C15orf40: variants seen among roughly 807,000 people sequenced by gnomAD.
The protein encoded by C15orf40 is UPF0235 protein C15orf40.
C15orf40 carries 9 observed loss-of-function variants against 13.9 expected under a neutral mutation model. The observed-to-expected ratio is 0.65, with a 90% CI of 0.39 to 1.13. The LOEUF (loss-of-function observed/expected upper bound fraction) is 1.13, where lower values mean the gene tolerates loss of function less well. Among genes scored for constraint, C15orf40 ranks in the 50% most tolerant of loss-of-function variants. The pLI, the probability that C15orf40 is intolerant of heterozygous loss-of-function variation, is 0.01. For synonymous variants in C15orf40, 95 were observed against 69.2 expected, an observed-to-expected ratio of 1.37 and a Z score of -1.85; for missense variants, 225 against 188.5, an observed-to-expected ratio of 1.19 and a Z score of -1.13.
intron 3 of C15orf40, 109 bp from the exon 4 acceptor site, chr15:83,005,801 T>TAG: frequency 7.1e-7 from 1 of 1,415,120 alleles, no homozygotes. Flanking sequence ...TTCTCTTGGT[T>TAG]ACTTCTGGTC....
rs1398737189 is a variant in C15orf40, at chr15:83,002,918, T to A, written c.*2679A>T. The A allele has an allele frequency of 6.6e-6, 1 of 152,266 alleles. No homozygotes were observed. The highest frequency in any genetic ancestry group is 1.5e-5 in the Non-Finnish European group (1 of 68,150). 9.4% of individuals were successfully genotyped at this position (152,266 alleles called of 1,614,324 possible). ...TCCAGGGTCCCGGTTCACAAGCAAT[T>A]CTCCTGCCTCAGCCTCCCGAGTAGC... On this transcript the variant is annotated 3_prime_UTR_variant, in exon 4 of 4. Coordinates refer to ENST00000304177, the MANE Select transcript of C15orf40 (RefSeq NM_144597.3).
intron 3 of C15orf40, among the ~76,000 whole-genome samples, chr15:83,006,715 G>A (rs976922746): frequency 1.1e-4 from 16 of 152,352 alleles, no homozygotes; most frequent in East Asian, 1.9e-4. Context: ...GCAGTGAGCC[G>A]AGATTGCGCC....
chr15:83,008,834 G>T (rs1470584497), intron 2 of C15orf40, among the ~76,000 whole-genome samples, 159 bp from the exon 3 acceptor site: 6 of 152,148 alleles, frequency 3.9e-5, no homozygotes, highest in Non-Finnish European at 8.8e-5. Flanking sequence ...CACATTTAAG[G>T]AACATGAACA....
chr15:82,992,243 C>T (rs1321458978), downstream of C15orf40, among the ~76,000 whole-genome samples: 3 of 151,612 alleles, frequency 2.0e-5, no homozygotes, highest in African/African-American at 4.9e-5. Context: ...AGGCTGGGCA[C>T]GGTGGCTCAC....
Position 83,004,993 on chromosome 15 carries a change from G to GC in C15orf40, c.*603dup, listed in dbSNP as rs766023373. The GC allele has an allele frequency of 5.9e-5, 75 of 1,268,104 alleles. No individual in the cohort carries two copies. Among genetic ancestry groups the GC allele is most frequent in the Non-Finnish European group, 7.5e-5 (72 of 961,162 alleles). 78.6% of individuals were successfully genotyped at this position (1,268,104 alleles called of 1,614,324 possible). A position where few individuals can be genotyped will look rare whatever the true frequency, so the allele number is the denominator to read the frequency against. On this transcript the variant is annotated 3_prime_UTR_variant, in exon 4 of 4. Transcript: ENST00000304177. ...AACTTCTGGATATAGGAAATCAAAG[G>GC]CCCCCCAACAGAATGAAAGGTGTTA...
chr15:83,008,460 A>G (rs562193538), intron 3 of C15orf40, 88 bp downstream of exon 3: 1 of 1,373,900 alleles, frequency 7.3e-7, no homozygotes, highest in Non-Finnish European at 1.0e-6. Flanking sequence ...TGGAGGTTGC[A>G]GTGAGCCAAG....
intron 2 of C15orf40, among the ~76,000 whole-genome samples, chr15:83,009,378 T>C (rs2031873503): frequency 6.6e-6 from 1 of 152,200 alleles, no homozygotes; most frequent in South Asian, 2.1e-4. Context: ...TACTCCAACG[T>C]AGACAGTGTC....
At position 83,005,552 on chromosome 15, in the gene C15orf40, G is replaced by C. The variant is rs764914405; in HGVS notation, c.*45C>G. The C allele has an allele frequency of 4.6e-6, 7 of 1,535,724 alleles. No individual in the cohort carries two copies. The South Asian group carries it at 8.1e-5, about 18-fold the overall frequency. On this transcript the variant is annotated 3_prime_UTR_variant, in exon 4 of 4. Transcript: ENST00000304177. ...GCCCACCACGGCCTCCCAAAGTGCT[G>C]GGATTACAGGCATGAGCCACTGCGC...
rs1041587218 is a variant in C15orf40, at chr15:83,000,417, G to A, written c.*5180C>T. 1 of 152,274 alleles carries A rather than the reference G, an allele frequency of 6.6e-6. No homozygotes were observed. Among genetic ancestry groups the A allele is most frequent in the Admixed American group, 6.5e-5 (1 of 15,276 alleles). 9.4% of individuals were successfully genotyped at this position (152,274 alleles called of 1,614,324 possible). A position where few individuals can be genotyped will look rare whatever the true frequency, so the allele number is the denominator to read the frequency against. On this transcript the variant is annotated 3_prime_UTR_variant, in exon 4 of 4. Coordinates refer to ENST00000304177, the MANE Select transcript of C15orf40 (RefSeq NM_144597.3). ...CTCTCACGAACCCAGCTGGCCCCAA[G>A]TTAACAACACTCCGACCTGAGCTAA...
Position 83,004,428 on chromosome 15 carries a change from TAATA to T in C15orf40, c.*1165_*1168del. 1.1e-6 allele frequency: 1 copy of T among 920,176 alleles called. No individual in the cohort carries two copies. The highest frequency in any genetic ancestry group is 1.3e-6 in the Non-Finnish European group (1 of 770,484). The allele number at this position is 920,176 out of a possible 1,614,324, so 57.0% of individuals were successfully genotyped here. On this transcript the variant is annotated 3_prime_UTR_variant, in exon 4 of 4. Transcript: ENST00000304177. ...CAAAGGAAATTAATTTTATTTTCTT[TAATA>T]AATTACTATAACTTGACCTGAAGAT...
rs1386278705 is a variant in C15orf40 at position 82,999,146 on chromosome 15, C to T, written c.*6451G>A. ...CTTTGGCTTGGCATCAGAGGGAGACCGTGGGGAGAGGGAGAGGGTGAGGGA... is the reference window on the plus strand; with the variant it reads ...CTTTGGCTTGGCATCAGAGGGAGACTGTGGGGAGAGGGAGAGGGTGAGGGA... On this transcript the variant is annotated 3_prime_UTR_variant, in exon 4 of 4. Transcript: ENST00000304177. 3 of 37,482 alleles carry T rather than the reference C, an allele frequency of 8.0e-5. No homozygotes were observed. Among genetic ancestry groups the T allele is most frequent in the East Asian group, 8.7e-4 (1 of 1,146 alleles). 2.3% of individuals were successfully genotyped at this position (37,482 alleles called of 1,614,324 possible).
chr15:82,992,876 C>T (rs1490818609), downstream of C15orf40, among the ~76,000 whole-genome samples: 3 of 152,092 alleles, frequency 2.0e-5, no homozygotes, highest in African/African-American at 4.8e-5. Flanking sequence ...ACAGCAGTTA[C>T]TATCAGACTG....
chr15:82,992,943 T>A (rs1053897296), downstream of C15orf40, among the ~76,000 whole-genome samples: 4 of 152,222 alleles, frequency 2.6e-5, no homozygotes, highest in African/African-American at 9.6e-5. Context: ...CAGTTTCTGC[T>A]TCATAAGACA....
intron 3 of C15orf40, chr15:83,008,277 G>A (rs1301301483): frequency 1.3e-5 from 5 of 371,310 alleles, no homozygotes; most frequent in South Asian, 7.1e-5. Context: ...CCAGCGCTTC[G>A]GGAGGAGAAG....
downstream of C15orf40, among the ~76,000 whole-genome samples, chr15:82,992,314 G>A (rs530625678): frequency 3.4e-4 from 52 of 152,204 alleles, no homozygotes; most frequent in African/African-American, 9.6e-4. Flanking sequence ...TGAGGAGTTC[G>A]AGACCAGCCT....
At chr15:83,005,718 T>C in intron 3 of C15orf40, 26 bp from the exon 4 acceptor site, 1 of 1,606,402 alleles carries the variant, frequency 6.2e-7, no homozygotes, top group Non-Finnish European at 8.5e-7. Context: ...AAAAGCATAC[T>C]TTACTGTTTA....
At position 82,995,164 on chromosome 15, in the gene C15orf40, AG is replaced by A. The variant is rs2031002866; in HGVS notation, c.*10432del. On this transcript the variant is annotated 3_prime_UTR_variant, in exon 4 of 4. Coordinates refer to ENST00000304177, the MANE Select transcript of C15orf40 (RefSeq NM_144597.3). ...TGATTACTGCTGGCACCAGCTTTTG[AG>A]GAAAATAAGGATGGAAGTAGAGATC... 6.6e-6 allele frequency: 1 copy of A among 152,116 alleles called. No individual in the cohort carries two copies. The highest frequency in any genetic ancestry group is 1.5e-5 in the Non-Finnish European group (1 of 68,046). 9.4% of individuals were successfully genotyped at this position (152,116 alleles called of 1,614,324 possible).
At chr15:82,992,019 C>T, downstream of C15orf40, 1 of 774,968 alleles carries the variant, frequency 1.3e-6, no homozygotes, top group South Asian at 1.4e-5. Flanking sequence ...AGTTCGAGGC[C>T]AGCCTGGGCA....
At chr15:83,009,871 G>A (rs1047733108) in intron 2 of C15orf40, among the ~76,000 whole-genome samples, 1 of 152,118 alleles carries the variant, frequency 6.6e-6, no homozygotes, top group South Asian at 2.1e-4. Flanking sequence ...CCTCTCCTTA[G>A]GCCAGTGATC....
Sources: gnomAD v4.1 joint callset for allele counts (sites outside exome capture counted in the v4.1 genomes callset) on GRCh38, gnomAD v4.1.1 for gene constraint, MANE v1.5 for transcripts, NCBI Gene and HGNC (gene_info 2026-07-23, HGNC 2026-07-21) for gene names.